The following BFSP1 variants were observed in gnomAD, a reference collection of about 807,000 sequenced individuals.
The protein encoded by BFSP1 is filensin.
In BFSP1, 38 loss-of-function variants were observed where a neutral mutation model predicts 43.9. That is an observed-to-expected ratio of 0.87 (90% CI 0.67 to 1.14). The LOEUF (loss-of-function observed/expected upper bound fraction) is 1.14. Ranked by LOEUF, BFSP1 falls within the 50% of genes most tolerant of loss-of-function variation. The pLI, the probability that BFSP1 is intolerant of heterozygous loss-of-function variation, is 0.00. For missense variants in BFSP1, 850 were observed against 875.1 expected (o/e 0.97, Z 0.36); for synonymous variants, 352 against 354.8 (o/e 0.99, Z 0.09).
At chr20:17,566,381 G>A (rs553374370) in intron 1 of BFSP1, among the ~76,000 whole-genome samples, 1 of 152,136 alleles carries the variant, frequency 6.6e-6, no homozygotes, top group Non-Finnish European at 1.5e-5. Context: ...CACAGATTAA[G>A]TATGCAAAAT....
rs199589884 is a variant in BFSP1, at chr20:17,547,218, A to AAT, written c.2+11468_2+11469dup. Among the ~76,000 whole-genome samples, 562 of 151,776 alleles carry AAT rather than the reference A, an allele frequency of 3.7e-3. 1 individual carries two copies. Among genetic ancestry groups the AAT allele is most frequent in the African/African-American group, 0.013 (530 of 41,380 alleles). ...GAAAAAATAGTAAAATAAATAAATA[A>AAT]ATATATATATGAGGGAGGAAGTCTG... On this transcript the variant is annotated intron_variant, in intron 1 of 7. Coordinates refer to the BFSP1 transcript ENST00000377868.
chr20:17,535,282 G>C (rs868511273), upstream of BFSP1, among the ~76,000 whole-genome samples: 1 of 152,104 alleles, frequency 6.6e-6, no homozygotes. Context: ...TGTAATCCCA[G>C]CACTTTGGGA....
In BFSP1 at chr20:17,508,872, G is replaced by A. The variant is rs368674829; in HGVS notation, c.735+17C>T. 3.3e-5 allele frequency: 51 copies of A among 1,550,528 alleles called. No homozygotes were observed. Among genetic ancestry groups the A allele is most frequent in the Middle Eastern group, 1.8e-4 (1 of 5,596 alleles). On this transcript the variant is annotated intron_variant, in intron 5 of 7. Transcript: ENST00000377873. ...ATGTGGGAAGCCCCAATGCACACGC[G>A]GCAGACTCGAGCGTACCTGTGCCTG...
intron 5 of BFSP1, among the ~76,000 whole-genome samples, chr20:17,508,527 A>C (rs909811996): frequency 2.6e-5 from 4 of 152,212 alleles, no homozygotes; most frequent in Non-Finnish European, 4.4e-5. Flanking sequence ...GTTTCTTCTT[A>C]TTCTTACGAA....
intron 7 of BFSP1, among the ~76,000 whole-genome samples, chr20:17,496,671 AT>A (rs1306123756): frequency 3.3e-5 from 5 of 152,226 alleles, no homozygotes; most frequent in Non-Finnish European, 5.9e-5. Flanking sequence ...TAAAACAAAT[AT>A]AAAAATACAA....
rs749513898 is a variant in BFSP1 at position 17,531,244 on chromosome 20, C to A, written c.86G>T (p.Arg29Leu). Residue 29 changes from arginine (R) to leucine (L), a missense_variant, in exon 1 of 8, where the codon CGC becomes CTC. By Grantham distance (102) the Arg-to-Leu change is moderately radical. Coordinates refer to ENST00000377873, the MANE Select transcript of BFSP1 (RefSeq NM_001195.5). ...CCCAGCCCAGCCCTCGTCGGCCGGG[C>A]GCTCGGGCTCGGCGGCGCGCGAAGC... ...DEASRAAEPE[R>L]PADEGWAGAT... The A allele has an allele frequency of 5.7e-6, 8 of 1,412,854 alleles. No homozygotes were observed. The African/African-American group carries it at 7.4e-5, about 13-fold the overall frequency. 87.5% of individuals were successfully genotyped at this position (1,412,854 alleles called of 1,614,324 possible). A position where few individuals can be genotyped will look rare whatever the true frequency, so the allele number is the denominator to read the frequency against.
At chr20:17,556,467 C>G (rs1354532427) in intron 1 of BFSP1, among the ~76,000 whole-genome samples, 1 of 151,762 alleles carries the variant, frequency 6.6e-6, no homozygotes, top group Non-Finnish European at 1.5e-5. Flanking sequence ...CCACTGCACT[C>G]CAGCTTGGGT....
chr20:17,509,618 GT>G (rs1568689224), intron 4 of BFSP1, among the ~76,000 whole-genome samples: 1 of 152,112 alleles, frequency 6.6e-6, no homozygotes, highest in Non-Finnish European at 1.5e-5. Flanking sequence ...CAAAGCCTCT[GT>G]TTTCCCTTCT....
chr20:17,550,231 A>G (rs1381678413), intron 1 of BFSP1, among the ~76,000 whole-genome samples: 1 of 152,222 alleles, frequency 6.6e-6, no homozygotes, highest in African/African-American at 2.4e-5. Flanking sequence ...GAGAAGAGAA[A>G]GCTTATTAAA....
chr20:17,521,876 A>C (rs913431946), intron 2 of BFSP1, among the ~76,000 whole-genome samples: 2 of 152,156 alleles, frequency 1.3e-5, no homozygotes, highest in Admixed American at 1.3e-4. Context: ...ACCATGTGGA[A>C]TGTGGCTCTG....
At chr20:17,518,631 G>T (rs1338798444) in intron 2 of BFSP1, among the ~76,000 whole-genome samples, 2 of 152,194 alleles carry the variant, frequency 1.3e-5, no homozygotes, top group East Asian at 3.9e-4. Context: ...TTTCATAAGA[G>T]AAATGGTGGA....
Position 17,525,716 on chromosome 20 carries a change from G to T in BFSP1, c.378-808C>A, listed in dbSNP as rs1440663752. Among the ~76,000 whole-genome samples the T allele has an allele frequency of 1.3e-5, 2 of 152,042 alleles. No individual in the cohort carries two copies. Among genetic ancestry groups the T allele is most frequent in the East Asian group, 1.9e-4 (1 of 5,176 alleles). On this transcript the variant is annotated intron_variant, in intron 1 of 7. Transcript: ENST00000377873. This position sits in a 1 kb window ranked among gnomAD's most constrained non-coding sequence, Gnocchi z 4.2. The stretch of plus-strand genomic sequence containing the variant: ...GACCCCTCCCCTTGTTCCCTATAAG[G>T]TGACCCCCAAATGCCCATTCTTGCT...
intron 1 of BFSP1, among the ~76,000 whole-genome samples, chr20:17,544,516 A>G (rs1283602248): frequency 6.6e-6 from 1 of 152,226 alleles, no homozygotes; most frequent in Non-Finnish European, 1.5e-5. Context: ...TTAATAGATC[A>G]GCTCTCTAGA....
At position 17,525,336 on chromosome 20, in the gene BFSP1, C is replaced by A. The variant is rs149872172; in HGVS notation, c.378-428G>T. Among the ~76,000 whole-genome samples the A allele has an allele frequency of 1.9e-3, 289 of 152,326 alleles. No individual in the cohort carries two copies. The highest frequency in any genetic ancestry group is 6.8e-3 in the African/African-American group (281 of 41,564). On this transcript the variant is annotated intron_variant, in intron 1 of 7. Coordinates refer to ENST00000377873, the MANE Select transcript of BFSP1 (RefSeq NM_001195.5). This position sits in a 1 kb window ranked among gnomAD's most constrained non-coding sequence, Gnocchi z 4.2. Reference sequence around the variant, plus strand: ...TTTCCTATAGTATTTTATTTGCTGACACATGTAATTTGTCAGTTTTTCTGG... The same window carrying A: ...TTTCCTATAGTATTTTATTTGCTGAAACATGTAATTTGTCAGTTTTTCTGG...
rs992293365 is a variant in BFSP1, at chr20:17,525,406, T to C, written c.378-498A>G. 1.3e-5 allele frequency among the ~76,000 whole-genome samples: 2 copies of C among 152,216 alleles called. No homozygotes were observed. Among genetic ancestry groups the C allele is most frequent in the Non-Finnish European group, 2.9e-5 (2 of 68,034 alleles). On this transcript the variant is annotated intron_variant, in intron 1 of 7. Transcript: ENST00000377873. The surrounding 1 kb of genome is among the most constrained non-coding windows in gnomAD (Gnocchi z 4.2). ...ACATCACCCCAGAAGAAAGCAGTTA[T>C]TGTTAGTGCTGCATTAAAGATGAGG...
chr20:17,557,539 AGT>A (rs1568720237), intron 1 of BFSP1, among the ~76,000 whole-genome samples: 1 of 152,234 alleles, frequency 6.6e-6, no homozygotes, highest in South Asian at 2.1e-4. Flanking sequence ...TATATCCATG[AGT>A]GGTTGTAGGA....
At position 17,496,984 on chromosome 20, in the gene BFSP1, G is replaced by C. The variant is rs1408787418; in HGVS notation, c.996C>G (p.Phe332Leu). Residue 332 changes from phenylalanine (F) to leucine (L), a missense_variant, in exon 7 of 8, where the codon TTC (phenylalanine) becomes TTG (leucine). Phe to Leu is a conservative substitution (Grantham distance 22, BLOSUM62 0). Transcript: ENST00000377873. Reference protein sequence around the residue: ...SAFIETPIPLFTQSHGVSLST... With the variant: ...SAFIETPIPLLTQSHGVSLST... ...TGAGAGAGACTCCATGGCTCTGGGT[G>C]AACAGGGGAATGGGAGTTTCAATGA... 6.5e-7 allele frequency: 1 copy of C among 1,544,594 alleles called. No homozygotes were observed. The highest frequency in any genetic ancestry group is 8.7e-7 in the Non-Finnish European group (1 of 1,145,234).
chr20:17,536,695 C>T (rs1272947661), intron 1 of BFSP1, among the ~76,000 whole-genome samples: 1 of 152,156 alleles, frequency 6.6e-6, no homozygotes, highest in African/African-American at 2.4e-5. Flanking sequence ...CCATCCCTTT[C>T]AGTTGAGATA....
chr20:17,503,573 G>A (rs1164072762), intron 5 of BFSP1, among the ~76,000 whole-genome samples: 1 of 152,170 alleles, frequency 6.6e-6, no homozygotes, highest in Admixed American at 6.5e-5. Context: ...CTTTACAGAT[G>A]AGGAAACTGG....
Sources: allele counts gnomAD v4.1 joint callset (sites outside exome capture counted in the v4.1 genomes callset), GRCh38; gene constraint gnomAD v4.1.1; non-coding constraint Gnocchi (gnomAD v3.1); transcripts MANE v1.5; gene names NCBI Gene and HGNC (gene_info 2026-07-23, HGNC 2026-07-21).